C19orf47: variants seen among roughly 807,000 people sequenced by gnomAD.
The protein encoded by C19orf47 is chromosome 19 open reading frame 47.
A neutral mutation model predicts 32.3 loss-of-function variants in C19orf47; 18 were observed. That is an observed-to-expected ratio of 0.56 (90% CI 0.39 to 0.83). The LOEUF (loss-of-function observed/expected upper bound fraction) is 0.83, where lower values mean the gene tolerates loss of function less well. Ranked by LOEUF, C19orf47 falls within the 40% of genes least tolerant of loss-of-function variation. The pLI is 0.00. For synonymous variants in C19orf47, 202 were observed against 211.1 expected, an observed-to-expected ratio of 0.96 and a Z score of 0.37; for missense variants, 484 against 531.6, an observed-to-expected ratio of 0.91 and a Z score of 0.88.
At chr19:40,341,772 C>T (rs975288608) in intron 2 of C19orf47, 67 bp downstream of exon 2, 1 of 1,533,186 alleles carries the variant, frequency 6.5e-7, no homozygotes. Context: ...CATCATCCCC[C>T]ACCAAGGCCA....
At chr19:40,307,673 A>G in the C19orf47 span, among the ~76,000 whole-genome samples, 5 of 152,124 alleles carry the variant, frequency 3.3e-5, no homozygotes, top group Middle Eastern at 3.2e-3. Flanking sequence ...TTCAGAGATA[A>G]AATTAGGTAT....
chr19:40,314,383 C>A, the C19orf47 span, among the ~76,000 whole-genome samples: 1 of 152,092 alleles, frequency 6.6e-6, no homozygotes, highest in Non-Finnish European at 1.5e-5. Flanking sequence ...GCTGAGATTG[C>A]ACCATTGCAC....
chr19:40,300,130 C>T, the C19orf47 span, among the ~76,000 whole-genome samples: 8 of 152,016 alleles, frequency 5.3e-5, no homozygotes, highest in South Asian at 6.2e-4. Context: ...TATTTATGAA[C>T]CCAGGGTAGG....
At chr19:40,333,577 T>C (rs568314364) in intron 5 of C19orf47, among the ~76,000 whole-genome samples, 1 of 152,312 alleles carries the variant, frequency 6.6e-6, no homozygotes, top group East Asian at 1.9e-4. Context: ...GAGCAACGGA[T>C]TCTCCATTGC....
At chr19:40,348,442 G>A (rs1406421711), upstream of C19orf47, 2 of 1,499,264 alleles carry the variant, frequency 1.3e-6, no homozygotes, top group South Asian at 1.3e-5. Flanking sequence ...CTCACCGCCG[G>A]AAGCTGAACT....
chr19:40,303,829 A>AT, the C19orf47 span, among the ~76,000 whole-genome samples: 1 of 149,868 alleles, frequency 6.7e-6, no homozygotes, highest in Non-Finnish European at 1.5e-5. Context: ...AAAAAAAAAA[A>AT]AGTTCACTGG....
upstream of C19orf47, chr19:40,348,521 A>G (rs2078383620): frequency 6.8e-7 from 1 of 1,476,992 alleles, no homozygotes; most frequent in Non-Finnish European, 8.9e-7. Context: ...CCATCACGTG[A>G]CCGCCCACCG....
chr19:40,302,132 G>A, the C19orf47 span, among the ~76,000 whole-genome samples: 154 of 152,298 alleles, frequency 1.0e-3, no homozygotes, highest in South Asian at 2.3e-3. Context: ...CTGCACTCCA[G>A]CCTAGGCGAC....
At chr19:40,344,490 A>G (rs2078236220) in intron 1 of C19orf47, among the ~76,000 whole-genome samples, 1 of 151,900 alleles carries the variant, frequency 6.6e-6, no homozygotes, top group Non-Finnish European at 1.5e-5. Context: ...AAAAATAATA[A>G]TGAAATAAAA....
downstream of C19orf47, among the ~76,000 whole-genome samples, chr19:40,316,432 T>TC (rs1439191550): frequency 6.6e-6 from 1 of 152,212 alleles, no homozygotes; most frequent in Non-Finnish European, 1.5e-5. Flanking sequence ...CACCACCATC[T>TC]CCTCATCCGT....
Position 40,336,310 on chromosome 19 carries a change from G to A in C19orf47, c.107+10C>T, listed in dbSNP as rs2145586619. The A allele has an allele frequency of 1.2e-6, 2 of 1,614,140 alleles. No individual in the cohort carries two copies. Among genetic ancestry groups the A allele is most frequent in the East Asian group, 2.2e-5 (1 of 44,872 alleles). On this transcript the variant is annotated intron_variant, in intron 3 of 8. Coordinates refer to ENST00000683109, the MANE Select transcript of C19orf47 (RefSeq NM_001256441.2). Reference sequence around the variant, plus strand: ...CCCCACCACCCCATCCCCAAGTTCAGCCTCCTCACCTATTATCCACAAACA... The same window carrying A: ...CCCCACCACCCCATCCCCAAGTTCAACCTCCTCACCTATTATCCACAAACA...
At chr19:40,312,782 C>T in the C19orf47 span, among the ~76,000 whole-genome samples, 1 of 152,082 alleles carries the variant, frequency 6.6e-6, no homozygotes, top group African/African-American at 2.4e-5. Flanking sequence ...ATCACATGAG[C>T]GCCCCCAAGT....
At chr19:40,340,961 G>C (rs1233502933) in intron 2 of C19orf47, among the ~76,000 whole-genome samples, 4 of 124,644 alleles carry the variant, frequency 3.2e-5, no homozygotes, top group African/African-American at 9.0e-5. Flanking sequence ...CTGGGCAACA[G>C]TGTGAGCCTG....
At chr19:40,323,864 T>C in intron 8 of C19orf47, 142 bp downstream of exon 8, 1 of 1,039,082 alleles carries the variant, frequency 9.6e-7, no homozygotes, top group Non-Finnish European at 1.5e-6. Flanking sequence ...AAGCCGCCAG[T>C]GCAAAGCCAG....
chr19:40,319,270 C>CA (rs950541346), downstream of C19orf47, among the ~76,000 whole-genome samples: 76 of 141,620 alleles, frequency 5.4e-4, no homozygotes, highest in African/African-American at 1.1e-3. Flanking sequence ...AACTCTAACT[C>CA]AAAAAAAAAA....
intron 8 of C19orf47, among the ~76,000 whole-genome samples, chr19:40,323,444 C>T (rs532013225): frequency 6.6e-6 from 1 of 152,192 alleles, no homozygotes; most frequent in Non-Finnish European, 1.5e-5. Context: ...AGGCCTGGGG[C>T]CTGTGGGACT....
chr19:40,306,310 G>A, the C19orf47 span, among the ~76,000 whole-genome samples: 4 of 152,074 alleles, frequency 2.6e-5, no homozygotes, highest in South Asian at 8.3e-4. Context: ...TCCTTATGGA[G>A]GGGAGAAGAG....
chr19:40,340,815 CAAA>C (rs772324423), intron 2 of C19orf47, among the ~76,000 whole-genome samples: 1 of 151,436 alleles, frequency 6.6e-6, no homozygotes, highest in East Asian at 1.9e-4. Context: ...CCCATCTCTA[CAAA>C]AAATACAAAA....
At chr19:40,316,802 G>T (rs2145493128), downstream of C19orf47, among the ~76,000 whole-genome samples, 1 of 152,312 alleles carries the variant, frequency 6.6e-6, no homozygotes, top group Non-Finnish European at 1.5e-5. Flanking sequence ...GATCCCATGT[G>T]TAAGGAAAAT....
Sources: allele counts gnomAD v4.1 joint callset (sites outside exome capture counted in the v4.1 genomes callset), GRCh38; gene constraint gnomAD v4.1.1; transcripts MANE v1.5; gene names NCBI Gene and HGNC (gene_info 2026-07-23, HGNC 2026-07-21).